The following DAB1 variants were observed in gnomAD, a reference collection of about 807,000 sequenced individuals.
The protein encoded by DAB1 is DAB adaptor protein 1, also known as disabled homolog 1.
DAB1 carries 15 observed loss-of-function variants against 64.6 expected under a neutral mutation model. That is an observed-to-expected ratio of 0.23 (90% confidence interval 0.16 to 0.36). The LOEUF is 0.36. Among genes scored for constraint, DAB1 ranks in the 10% least tolerant of loss-of-function variants. DAB1 has a pLI of 1.00. For missense variants in DAB1, 596 were observed against 706.7 expected (o/e 0.84, Z 1.78); for synonymous variants, 235 against 251.9 (o/e 0.93, Z 0.64).
intron 6 of DAB1, among the ~76,000 whole-genome samples, chr1:57,740,538 A>G (rs1004067413): frequency 2.0e-5 from 3 of 152,238 alleles, no homozygotes; most frequent in African/African-American, 7.2e-5. Flanking sequence ...ACTTATGTGG[A>G]AGTATTACAT....
chr1:58,413,181 T>A (rs2100208633), intron 3 of DAB1, among the ~76,000 whole-genome samples: 1 of 152,264 alleles, frequency 6.6e-6, no homozygotes. Flanking sequence ...CCTATTAGTA[T>A]CTCCCTCATG....
chr1:58,276,272 C>A (rs1162075732), intron 4 of DAB1, among the ~76,000 whole-genome samples: 1 of 152,030 alleles, frequency 6.6e-6, no homozygotes, highest in Non-Finnish European at 1.5e-5. Context: ...CTGAACTGTA[C>A]ACTTAAATAT....
chr1:58,242,878 T>A (rs748357423), intron 4 of DAB1, among the ~76,000 whole-genome samples: 2 of 151,612 alleles, frequency 1.3e-5, no homozygotes, highest in African/African-American at 2.4e-5. Context: ...TTCGCCCTCA[T>A]ATGGAGAAGC....
chr1:57,984,335 A>C (rs1369862596), intron 5 of DAB1, among the ~76,000 whole-genome samples: 1 of 152,192 alleles, frequency 6.6e-6, no homozygotes, highest in African/African-American at 2.4e-5. Context: ...GTTTCTAATT[A>C]ATATTTCCCC....
intron 6 of DAB1, among the ~76,000 whole-genome samples, chr1:57,655,383 C>A (rs2101660830): frequency 6.6e-6 from 1 of 152,294 alleles, no homozygotes; most frequent in South Asian, 2.1e-4. Context: ...ATCCATCCAT[C>A]CATTCATCCT....
chr1:58,448,997 A>G lies in DAB1; in HGVS notation n.257+57063T>C, dbSNP rs376675799. Among the ~76,000 whole-genome samples, 18 of 152,358 alleles carry G rather than the reference A, an allele frequency of 1.2e-4. No individual in the cohort carries two copies. The East Asian group carries it at 2.7e-3, about 23-fold the overall frequency. ...AATCATTGAGGTAGAAAAAATGGAA[A>G]TAGCGTAGAAGGCAAAACAAAATTT... On this transcript the variant is annotated intron_variant and non_coding_transcript_variant, in intron 3 of 20. Coordinates refer to the DAB1 transcript ENST00000485760.
intron 1 of DAB1, among the ~76,000 whole-genome samples, chr1:57,854,212 C>T (rs534561061): frequency 1.1e-3 from 172 of 152,238 alleles, no homozygotes; most frequent in Non-Finnish European, 2.1e-3. Flanking sequence ...AGGGTAATTA[C>T]ACTTTCTTGA....
intron 10 of DAB1, among the ~76,000 whole-genome samples, chr1:57,025,634 C>T (rs1449718131): frequency 1.3e-5 from 2 of 152,174 alleles, no homozygotes; most frequent in African/African-American, 4.8e-5. Context: ...CCTACAATCC[C>T]AACCAGACGA....
At chr1:58,233,411 G>A (rs1449314817) in intron 4 of DAB1, among the ~76,000 whole-genome samples, 1 of 152,130 alleles carries the variant, frequency 6.6e-6, no homozygotes, top group African/African-American at 2.4e-5. Flanking sequence ...ACCCAGGTCT[G>A]CTTGCTCCCC....
intron 3 of DAB1, among the ~76,000 whole-genome samples, chr1:58,474,442 C>A (rs1645398991): frequency 6.6e-6 from 1 of 151,494 alleles, no homozygotes; most frequent in Admixed American, 6.6e-5. Flanking sequence ...CCTAATTGTT[C>A]CCCTGAGAGA....
At chr1:58,354,982 C>T (rs1038258449) in intron 3 of DAB1, among the ~76,000 whole-genome samples, 4 of 152,132 alleles carry the variant, frequency 2.6e-5, no homozygotes, top group East Asian at 1.9e-4. Context: ...TTTACCTGGA[C>T]GAGGTCCAGC....
chr1:57,505,114 TAA>T (rs34664060), intron 7 of DAB1, among the ~76,000 whole-genome samples: 1 of 148,140 alleles, frequency 6.8e-6, no homozygotes, highest in Non-Finnish European at 1.5e-5. Context: ...TGGTTTGTTG[TAA>T]AAAAAAAAGT....
At chr1:58,094,568 T>C (rs538780428) in intron 5 of DAB1, among the ~76,000 whole-genome samples, 79 of 152,368 alleles carry the variant, frequency 5.2e-4, no homozygotes, top group Non-Finnish European at 9.1e-4. Context: ...TTCTGGTTTC[T>C]TCAAGTGAAG....
chr1:57,838,369 G>A (rs1041468483), intron 1 of DAB1, among the ~76,000 whole-genome samples: 2 of 152,038 alleles, frequency 1.3e-5, no homozygotes, highest in African/African-American at 2.4e-5. Context: ...TATTTGGGTG[G>A]CATAAATATG....
rs1332370407 is a variant in DAB1 at position 57,147,975 on chromosome 1, A to ACCACCATGATCAGTT, written c.68-2561_68-2547dup. ...CTGTGTTTTCAAGCCTGTTCGCCTA[A>ACCACCATGATCAGTT]CCACCATGATCAGTTGCTTCTTTTC... On this transcript the variant is annotated intron_variant, in intron 2 of 14. Coordinates refer to ENST00000371236, the MANE Select transcript of DAB1 (RefSeq NM_001365792.1). Among the ~76,000 whole-genome samples the ACCACCATGATCAGTT allele has an allele frequency of 6.6e-5, 10 of 152,274 alleles. No individual in the cohort carries two copies. In the East Asian group the frequency reaches 1.9e-3, roughly 29 times the overall value.
intron 3 of DAB1, among the ~76,000 whole-genome samples, chr1:58,390,641 A>C (rs992843671): frequency 6.6e-6 from 1 of 152,252 alleles, no homozygotes; most frequent in Non-Finnish European, 1.5e-5. Flanking sequence ...TAAAAAAGCA[A>C]TAATAAATGT....
At chr1:58,064,923 C>T (rs1486635530) in intron 5 of DAB1, among the ~76,000 whole-genome samples, 2 of 151,822 alleles carry the variant, frequency 1.3e-5, no homozygotes. Flanking sequence ...GGGGTTTCAC[C>T]GTGGTCTCAA....
chr1:58,473,434 C>T (rs893983818), intron 3 of DAB1, among the ~76,000 whole-genome samples: 77 of 151,474 alleles, frequency 5.1e-4, no homozygotes, highest in African/African-American at 1.9e-3. Flanking sequence ...CCCAGCTACT[C>T]GGGAGGCTGA....
At chr1:58,444,238 A>G (rs1178142827) in intron 3 of DAB1, among the ~76,000 whole-genome samples, 1 of 152,222 alleles carries the variant, frequency 6.6e-6, no homozygotes, top group Non-Finnish European at 1.5e-5. Flanking sequence ...CTAGAGAACA[A>G]GTAAAGCAGG....
Sources: gnomAD v4.1 joint callset for allele counts (sites outside exome capture counted in the v4.1 genomes callset) on GRCh38, gnomAD v4.1.1 for gene constraint, MANE v1.5 for transcripts, NCBI Gene and HGNC (gene_info 2026-07-23, HGNC 2026-07-21) for gene names.